The following SLX4IP variants were observed in gnomAD, a reference collection of about 807,000 sequenced individuals.
SLX4IP encodes the protein protein SLX4IP.
SLX4IP carries 34 observed loss-of-function variants against 32.9 expected under a neutral mutation model. The ratio of observed to expected loss-of-function variants is 1.03; its 90% CI spans 0.79 to 1.38. SLX4IP has a LOEUF of 1.38. Ranked by LOEUF, SLX4IP falls within the 40% of genes most tolerant of loss-of-function variation. The pLI, the probability that SLX4IP is intolerant of heterozygous loss-of-function variation, is 0.00. For missense variants in SLX4IP, 444 were observed against 479.0 expected (o/e 0.93, Z 0.68); for synonymous variants, 172 against 171.7 (o/e 1.00, Z -0.01).
At chr20:10,453,299 A>T (rs966081605) in intron 1 of SLX4IP, among the ~76,000 whole-genome samples, 9 of 99,150 alleles carry the variant, frequency 9.1e-5, no homozygotes, top group African/African-American at 2.9e-4. Context: ...AGTTGTCTAA[A>T]ACTCATCCGT....
At chr20:10,469,754 A>G (rs1321996536) in intron 2 of SLX4IP, among the ~76,000 whole-genome samples, 1 of 152,206 alleles carries the variant, frequency 6.6e-6, no homozygotes, top group African/African-American at 2.4e-5. Flanking sequence ...CTAAAGAAGC[A>G]CAGCAACTAA....
At chr20:10,587,854 T>C (rs1017650044) in intron 4 of SLX4IP, among the ~76,000 whole-genome samples, 24 of 152,244 alleles carry the variant, frequency 1.6e-4, no homozygotes, top group African/African-American at 5.5e-4. Flanking sequence ...TAAAATATAT[T>C]AAAGTCTTAA....
chr20:10,465,345 C>T (rs2065371565), intron 2 of SLX4IP, among the ~76,000 whole-genome samples: 1 of 152,108 alleles, frequency 6.6e-6, no homozygotes, highest in South Asian at 2.1e-4. Flanking sequence ...TCCAGCCACT[C>T]CCACTTGTTT....
intron 6 of SLX4IP, among the ~76,000 whole-genome samples, chr20:10,611,233 C>T (rs547644806): frequency 1.2e-4 from 19 of 152,300 alleles, no homozygotes; most frequent in African/African-American, 4.1e-4. Context: ...TTGCAGAGGG[C>T]TGTCGCATAC....
chr20:10,590,849 AAAG>A (rs1410089727), intron 4 of SLX4IP, among the ~76,000 whole-genome samples: 2 of 152,234 alleles, frequency 1.3e-5, no homozygotes, highest in Non-Finnish European at 2.9e-5. Context: ...GACACACAAA[AAAG>A]AAATTCAACT....
chr20:10,614,298 T>G (rs1816178120), intron 6 of SLX4IP: 1 of 592,926 alleles, frequency 1.7e-6, no homozygotes, highest in Non-Finnish European at 3.0e-6. Context: ...AGTCCTACCT[T>G]GAGAACAATT....
chr20:10,477,503 G>T (rs1486924642), intron 2 of SLX4IP, among the ~76,000 whole-genome samples: 1 of 152,118 alleles, frequency 6.6e-6, no homozygotes, highest in Non-Finnish European at 1.5e-5. Flanking sequence ...CTGACCTCAG[G>T]TGATCCGCTT....
chr20:10,578,326 C>T (rs2066545727), intron 4 of SLX4IP, among the ~76,000 whole-genome samples: 1 of 152,210 alleles, frequency 6.6e-6, no homozygotes, highest in African/African-American at 2.4e-5. Flanking sequence ...CAAATAGAGT[C>T]ATACACCATG....
At chr20:10,442,950 A>G (rs2065170847) in intron 1 of SLX4IP, among the ~76,000 whole-genome samples, 1 of 152,258 alleles carries the variant, frequency 6.6e-6, no homozygotes, top group South Asian at 2.1e-4. Context: ...AAAGAAATTT[A>G]TGCACCAAAA....
At chr20:10,518,485 TTCCTTTTCCTTCC>T (rs1185271367) in intron 2 of SLX4IP, among the ~76,000 whole-genome samples, 1 of 56,630 alleles carries the variant, frequency 1.8e-5, no homozygotes, top group African/African-American at 5.0e-5. Flanking sequence ...TTCCTTTCCT[TTCCTTTTCCTTCC>T]TTCCTTCCTT....
rs184512413 is a variant in SLX4IP, at chr20:10,585,246, C to T, written c.239-13429C>T. 1.2e-4 allele frequency among the ~76,000 whole-genome samples: 19 copies of T among 152,320 alleles called. No individual in the cohort carries two copies. In the East Asian group the frequency reaches 3.5e-3, roughly 28 times the overall value. On this transcript the variant is annotated intron_variant, in intron 4 of 7. Coordinates refer to ENST00000334534, the MANE Select transcript of SLX4IP (RefSeq NM_001009608.3). The stretch of plus-strand genomic sequence containing the variant: ...AATGCTACCAATCACCTCTCAATTG[C>T]CAGCTGAGTATTTTGTTCTATTTCT...
chr20:10,505,007 G>A (rs148474117), intron 2 of SLX4IP, among the ~76,000 whole-genome samples: 370 of 152,300 alleles, frequency 2.4e-3, no homozygotes, highest in African/African-American at 8.5e-3. Flanking sequence ...TCAGTCAACT[G>A]AGAATAACAG....
intron 4 of SLX4IP, among the ~76,000 whole-genome samples, chr20:10,591,453 C>T (rs1438022639): frequency 1.3e-5 from 2 of 152,166 alleles, no homozygotes; most frequent in African/African-American, 4.8e-5. Context: ...AGAGGATATG[C>T]TTCATCTGGT....
Position 10,623,985 on chromosome 20 carries a change from A to G in SLX4IP, c.*606A>G, listed in dbSNP as rs61364340. ...TTGAGAACCACTGGACTAATAGAAC[A>G]CTCCCCAGTGCTTCCTGCAGCCTGG... On this transcript the variant is annotated 3_prime_UTR_variant, in exon 8 of 8. Coordinates refer to ENST00000334534, the MANE Select transcript of SLX4IP (RefSeq NM_001009608.3). The G allele has an allele frequency of 0.095, 14,444 of 152,216 alleles. 932 individuals are homozygous for G. The highest frequency in any genetic ancestry group is 0.26 in the South Asian group (1,260 of 4,812). The allele number at this position is 152,216 out of a possible 1,614,324, so 9.4% of individuals were successfully genotyped here. A position where few individuals can be genotyped will look rare whatever the true frequency, so the allele number is the denominator to read the frequency against.
chr20:10,548,498 C>G (rs1410176442), intron 2 of SLX4IP, among the ~76,000 whole-genome samples: 1 of 152,214 alleles, frequency 6.6e-6, no homozygotes, highest in Non-Finnish European at 1.5e-5. Flanking sequence ...CTTGGCCTCA[C>G]AGAGTGCTGG....
rs146858364 is a variant in SLX4IP at position 10,474,495 on chromosome 20, C to G, written c.27+16264C>G. 2.4e-3 allele frequency among the ~76,000 whole-genome samples: 364 copies of G among 152,290 alleles called. 8 individuals are homozygous for G. The highest frequency in any genetic ancestry group is 0.023 in the Admixed American group (349 of 15,294). Reference sequence around the variant, plus strand: ...CTTTTAAGAGCCATTCTTTCCTAGACCCCCTTCCCTTCTTTACTTTAGGTA... The same window carrying G: ...CTTTTAAGAGCCATTCTTTCCTAGAGCCCCTTCCCTTCTTTACTTTAGGTA... On this transcript the variant is annotated intron_variant, in intron 2 of 7. Transcript: ENST00000334534.
At position 10,518,228 on chromosome 20, in the gene SLX4IP, A is replaced by T. The variant is rs554257093; in HGVS notation, c.28-38003A>T. On this transcript the variant is annotated intron_variant, in intron 2 of 7. Coordinates refer to ENST00000334534, the MANE Select transcript of SLX4IP (RefSeq NM_001009608.3). Reference sequence around the variant, plus strand: ...AGTTAATGTTCTGTTAGGAAGATATACTTGCTAACTTTAAGAACACATTGA... The same window carrying T: ...AGTTAATGTTCTGTTAGGAAGATATTCTTGCTAACTTTAAGAACACATTGA... Among the ~76,000 whole-genome samples the T allele has an allele frequency of 1.2e-3, 178 of 152,348 alleles. 1 individual carries two copies. Among genetic ancestry groups the T allele is most frequent in the African/African-American group, 3.9e-3 (162 of 41,576 alleles).
chr20:10,560,483 G>A (rs946782759), intron 3 of SLX4IP, among the ~76,000 whole-genome samples: 1 of 152,152 alleles, frequency 6.6e-6, no homozygotes, highest in Non-Finnish European at 1.5e-5. Context: ...GACTTTCCCA[G>A]ATCACACAGT....
intron 1 of SLX4IP, among the ~76,000 whole-genome samples, chr20:10,453,308 G>GTGTGTGTGTA (rs200607495): frequency 0.11 from 4,983 of 46,638 alleles, 122 homozygotes; most frequent in Non-Finnish European, 0.18. Flanking sequence ...AAACTCATCC[G>GTGTGTGTGTA]TGTGTGTGTG....
Sources: gnomAD v4.1 joint callset for allele counts (sites outside exome capture counted in the v4.1 genomes callset) on GRCh38, gnomAD v4.1.1 for gene constraint, MANE v1.5 for transcripts, NCBI Gene and HGNC (gene_info 2026-07-23, HGNC 2026-07-21) for gene names.